The following EEFSEC variants were observed in gnomAD, a reference collection of about 807,000 sequenced individuals.
EEFSEC encodes the protein eukaryotic elongation factor, selenocysteine-tRNA specific.
A neutral mutation model predicts 42.1 loss-of-function variants in EEFSEC; 43 were observed. That is an observed-to-expected ratio of 1.02 (90% CI 0.80 to 1.32). The LOEUF (loss-of-function observed/expected upper bound fraction) is 1.32, where lower values mean the gene tolerates loss of function less well. Ranked by LOEUF, EEFSEC falls within the 40% of genes most tolerant of loss-of-function variation. The pLI is 0.00. For missense variants in EEFSEC, 745 were observed against 803.6 expected, an observed-to-expected ratio of 0.93 and a Z score of 0.88; for synonymous variants, 354 against 339.1, an observed-to-expected ratio of 1.04 and a Z score of -0.48.
intron 1 of EEFSEC, among the ~76,000 whole-genome samples, chr3:128,179,467 G>C (rs1352658317): frequency 6.6e-6 from 1 of 152,220 alleles, no homozygotes; most frequent in East Asian, 1.9e-4. Context: ...TAATATTTGA[G>C]TATCTGAGGC....
intron 4 of EEFSEC, among the ~76,000 whole-genome samples, chr3:128,300,970 T>C (rs1315882196): frequency 1.3e-5 from 2 of 152,216 alleles, no homozygotes; most frequent in Non-Finnish European, 2.9e-5. Flanking sequence ...TCTTATTGTC[T>C]ATTTAAGCTG....
At chr3:128,238,658 T>C (rs917536233) in intron 1 of EEFSEC, among the ~76,000 whole-genome samples, 16 of 152,176 alleles carry the variant, frequency 1.1e-4, no homozygotes, top group Admixed American at 1.0e-3. Flanking sequence ...CCGGCTAATT[T>C]TTTGTATTTT....
At chr3:128,323,851 C>G (rs1248151494) in intron 4 of EEFSEC, among the ~76,000 whole-genome samples, 1 of 152,218 alleles carries the variant, frequency 6.6e-6, no homozygotes, top group African/African-American at 2.4e-5. Flanking sequence ...TGTGTTGGAG[C>G]AGCCTGGTGT....
rs567782092 is a variant in EEFSEC, at chr3:128,341,751, G to A, written c.1305G>A (p.Ala435=). The A allele has an allele frequency of 1.6e-5, 26 of 1,614,096 alleles. No individual in the cohort carries two copies. The highest frequency in any genetic ancestry group is 1.6e-4 in the Middle Eastern group (1 of 6,062). The change falls in exon 5 of 7, where the codon GCG becomes GCA. Residue 435 remains alanine (A), a synonymous_variant. Coordinates refer to ENST00000254730, the MANE Select transcript of EEFSEC (RefSeq NM_021937.5). ...TGGTGATTGGCTCCAGGCTAGATGC[G>A]GACATTCACACCAACACGTGCCGGC... is the stretch of plus-strand genomic sequence containing the variant. ...LCLVIGSRLD[A]DIHTNTCRLA...
chr3:128,213,395 A>G (rs1449529791), intron 1 of EEFSEC, among the ~76,000 whole-genome samples: 7 of 152,272 alleles, frequency 4.6e-5, no homozygotes, highest in Middle Eastern at 3.4e-3. Flanking sequence ...GGGTGTGGGT[A>G]AGCTGCTTAA....
At chr3:128,207,616 T>C in intron 1 of EEFSEC, among the ~76,000 whole-genome samples, 1 of 150,716 alleles carries the variant, frequency 6.6e-6, no homozygotes, top group East Asian at 1.9e-4. Context: ...CTTAACAAGA[T>C]AAGGATAACG....
chr3:128,381,013 A>G (rs2067770107), intron 6 of EEFSEC, among the ~76,000 whole-genome samples: 1 of 152,204 alleles, frequency 6.6e-6, no homozygotes, highest in African/African-American at 2.4e-5. Flanking sequence ...GAGGCCTAGG[A>G]TCAACCCAGA....
At chr3:128,368,668 G>A (rs2067618860) in intron 6 of EEFSEC, among the ~76,000 whole-genome samples, 1 of 152,236 alleles carries the variant, frequency 6.6e-6, no homozygotes, top group African/African-American at 2.4e-5. Context: ...GCCTGGGTCA[G>A]CTCACTGCCT....
At chr3:128,258,112 G>A (rs905382769) in intron 2 of EEFSEC, among the ~76,000 whole-genome samples, 3 of 152,194 alleles carry the variant, frequency 2.0e-5, no homozygotes, top group African/African-American at 7.2e-5. Context: ...CTTGTGAAGA[G>A]GATGTGGGAC....
At chr3:128,419,954 G>A in the EEFSEC span, among the ~76,000 whole-genome samples, 1 of 152,178 alleles carries the variant, frequency 6.6e-6, no homozygotes, top group Non-Finnish European at 1.5e-5. Context: ...GGCCGCAGCG[G>A]GAGGGGGGAC....
intron 6 of EEFSEC, among the ~76,000 whole-genome samples, chr3:128,392,510 C>T (rs1006995148): frequency 6.6e-6 from 1 of 152,230 alleles, no homozygotes; most frequent in African/African-American, 2.4e-5. Flanking sequence ...TGCCATCCAC[C>T]TGTATTCTGG....
chr3:128,403,125 C>T (rs1354762341), intron 6 of EEFSEC, among the ~76,000 whole-genome samples: 2 of 152,080 alleles, frequency 1.3e-5, no homozygotes, highest in African/African-American at 2.4e-5. Context: ...TACAGTGACT[C>T]GAAGAAAGTG....
intron 1 of EEFSEC, among the ~76,000 whole-genome samples, chr3:128,189,562 T>TG (rs886895195): frequency 6.7e-6 from 1 of 150,270 alleles, no homozygotes; most frequent in East Asian, 1.9e-4. Context: ...TCTTTTCTTT[T>TG]TTTTTTTTTT....
chr3:128,279,877 T>C (rs1249130445), intron 4 of EEFSEC, among the ~76,000 whole-genome samples: 1 of 152,238 alleles, frequency 6.6e-6, no homozygotes, highest in Non-Finnish European at 1.5e-5. Flanking sequence ...CACGGGTGTT[T>C]ACCACACTGT....
chr3:128,294,223 C>T (rs1311715270), intron 4 of EEFSEC, among the ~76,000 whole-genome samples: 1 of 152,172 alleles, frequency 6.6e-6, no homozygotes, highest in Non-Finnish European at 1.5e-5. Flanking sequence ...CCCTCCTTCC[C>T]ATAGGGTCCC....
the EEFSEC span, among the ~76,000 whole-genome samples, chr3:128,425,713 C>T: frequency 6.6e-6 from 1 of 152,228 alleles, no homozygotes; most frequent in African/African-American, 2.4e-5. Context: ...CCCTCCTGGG[C>T]CCTCCTGGGC....
chr3:128,407,901 G>C (rs757949036), intron 6 of EEFSEC, among the ~76,000 whole-genome samples, 168 bp from the exon 7 acceptor site: 25 of 152,198 alleles, frequency 1.6e-4, no homozygotes, highest in Non-Finnish European at 2.5e-4. Context: ...ACACCTATCA[G>C]ATGGGTGCCG....
chr3:128,379,219 C>T (rs887171415), intron 6 of EEFSEC, among the ~76,000 whole-genome samples: 10 of 152,210 alleles, frequency 6.6e-5, no homozygotes, highest in African/African-American at 2.4e-4. Context: ...GCCGTCCTGA[C>T]GGAGGAGCAC....
chr3:128,200,758 A>G lies in EEFSEC; in HGVS notation c.317-46078A>G, dbSNP rs142329403. 2.0e-5 allele frequency among the ~76,000 whole-genome samples: 3 copies of G among 151,754 alleles called. No homozygotes were observed. The East Asian group carries it at 5.8e-4, about 29-fold the overall frequency. On this transcript the variant is annotated intron_variant, in intron 1 of 6. Transcript: ENST00000254730. ...CCCGCAGAACAATCGTGAGACTGTT[A>G]TGGAATAAGCCTTTGTTCTTTGCAA...
Sources: gnomAD v4.1 joint callset for allele counts (sites outside exome capture counted in the v4.1 genomes callset) on GRCh38, gnomAD v4.1.1 for gene constraint, MANE v1.5 for transcripts, NCBI Gene and HGNC (gene_info 2026-07-23, HGNC 2026-07-21) for gene names.